Variants in NEGR1 observed in about 807,000 individuals in gnomAD.
NEGR1 encodes the protein IgLON family member 4.
In NEGR1, 10 loss-of-function variants were observed where a neutral mutation model predicts 40.9. That is an observed-to-expected ratio of 0.24 (90% confidence interval 0.15 to 0.42). The LOEUF (loss-of-function observed/expected upper bound fraction) is 0.42. Among genes scored for constraint, NEGR1 ranks in the 10% least tolerant of loss-of-function variants. The pLI is 1.00. For synonymous variants in NEGR1, 185 were observed against 166.8 expected, an observed-to-expected ratio of 1.11 and a Z score of -0.84; for missense variants, 352 against 438.9, an observed-to-expected ratio of 0.80 and a Z score of 1.77.
At chr1:72,216,383 ACAT>A (rs1440433412) in intron 1 of NEGR1, among the ~76,000 whole-genome samples, 4 of 91,376 alleles carry the variant, frequency 4.4e-5, no homozygotes, top group African/African-American at 2.3e-4. Context: ...ATATATATAT[ACAT>A]ATATATATAT....
intron 2 of NEGR1, among the ~76,000 whole-genome samples, chr1:71,925,028 A>C (rs1347993117): frequency 6.6e-6 from 1 of 152,014 alleles, no homozygotes; most frequent in Admixed American, 6.6e-5. Context: ...AAAACAATAA[A>C]ACTCTACTGA....
intron 3 of NEGR1, among the ~76,000 whole-genome samples, chr1:71,698,427 A>G (rs997115582): frequency 2.6e-5 from 4 of 151,848 alleles, no homozygotes; most frequent in African/African-American, 9.7e-5. Context: ...GACTCTGCAC[A>G]TTTCTGTAAT....
rs12073347 is a variant in NEGR1, at chr1:71,584,928, C to G, written c.940+7889G>C. On this transcript the variant is annotated intron_variant, in intron 6 of 6. Transcript: ENST00000357731. Reference sequence around the variant, plus strand: ...ATTAGAGCTGTGTGAAATAAAATAGCAAGCAAGAATGTCTATTCTAGTGCC... The same window carrying G: ...ATTAGAGCTGTGTGAAATAAAATAGGAAGCAAGAATGTCTATTCTAGTGCC... 1.2e-3 allele frequency among the ~76,000 whole-genome samples: 189 copies of G among 152,164 alleles called. 2 individuals carry two copies. Among genetic ancestry groups the G allele is most frequent in the Non-Finnish European group, 3.7e-4 (25 of 68,000 alleles).
intron 1 of NEGR1, among the ~76,000 whole-genome samples, chr1:72,089,946 C>G (rs975463974): frequency 1.3e-5 from 2 of 151,834 alleles, no homozygotes; most frequent in East Asian, 3.9e-4. Flanking sequence ...ATTTTATGAG[C>G]CTTTTAATCA....
intron 4 of NEGR1, among the ~76,000 whole-genome samples, chr1:71,660,988 A>G (rs775488842): frequency 6.6e-6 from 1 of 152,108 alleles, no homozygotes; most frequent in Non-Finnish European, 1.5e-5. Flanking sequence ...GCTGAGAATG[A>G]TGGTTTCCAG....
At chr1:71,761,814 A>T (rs1243301464) in intron 3 of NEGR1, among the ~76,000 whole-genome samples, 5 of 152,124 alleles carry the variant, frequency 3.3e-5, no homozygotes, top group African/African-American at 2.4e-5. Context: ...CTATAAAAAA[A>T]TTTTCTAAAT....
At chr1:71,687,643 T>C (rs1653082514) in intron 4 of NEGR1, among the ~76,000 whole-genome samples, 1 of 152,234 alleles carries the variant, frequency 6.6e-6, no homozygotes, top group Admixed American at 6.5e-5. Context: ...TTCTGCACTT[T>C]ATTTCAGTGT....
chr1:71,688,347 T>TATATATA (rs1653118386), intron 4 of NEGR1, among the ~76,000 whole-genome samples: 1 of 100,720 alleles, frequency 9.9e-6, no homozygotes, highest in African/African-American at 4.0e-5. Context: ...GATAGATAGA[T>TATATATA]AGATAGATTA....
chr1:71,525,798 A>G (rs1292534500), intron 6 of NEGR1, among the ~76,000 whole-genome samples: 2 of 151,684 alleles, frequency 1.3e-5, no homozygotes, highest in Admixed American at 1.3e-4. Context: ...TGTTTTATGT[A>G]TATAAAACAG....
intron 1 of NEGR1, among the ~76,000 whole-genome samples, chr1:72,076,388 T>C (rs1647734465): frequency 6.6e-6 from 1 of 152,190 alleles, no homozygotes; most frequent in Non-Finnish European, 1.5e-5. Flanking sequence ...CACCTTGATC[T>C]TGGGCTTCCC....
At chr1:71,486,821 A>G (rs1042913197) in intron 6 of NEGR1, 2 of 151,592 alleles carry the variant, frequency 1.3e-5, no homozygotes, top group Admixed American at 6.6e-5. Context: ...TAATAATACT[A>G]ATACTGTAAA....
chr1:72,041,897 T>A (rs1370101652), intron 1 of NEGR1, among the ~76,000 whole-genome samples: 1 of 131,210 alleles, frequency 7.6e-6, no homozygotes, highest in African/African-American at 2.9e-5. Context: ...AAATATATAT[T>A]TGAGTTTCAA....
chr1:72,241,106 T>C (rs779345994), intron 1 of NEGR1, among the ~76,000 whole-genome samples: 4 of 151,832 alleles, frequency 2.6e-5, no homozygotes, highest in Non-Finnish European at 5.9e-5. Context: ...GTTGACAAGT[T>C]TGTATTTTAA....
At chr1:72,073,419 T>C (rs1647559097) in intron 1 of NEGR1, among the ~76,000 whole-genome samples, 1 of 152,118 alleles carries the variant, frequency 6.6e-6, no homozygotes. Context: ...CTGTGATTAT[T>C]TCCTCTATTA....
chr1:71,736,674 T>C (rs1055481867), intron 3 of NEGR1, among the ~76,000 whole-genome samples: 2 of 152,176 alleles, frequency 1.3e-5, no homozygotes, highest in Non-Finnish European at 2.9e-5. Context: ...AGAAAAGTGC[T>C]CCTGGATCAG....
chr1:72,247,190 G>C (rs1654930116), intron 1 of NEGR1, among the ~76,000 whole-genome samples: 1 of 152,080 alleles, frequency 6.6e-6, no homozygotes, highest in African/African-American at 2.4e-5. Flanking sequence ...CATTCTCTTT[G>C]GTATTCACAC....
chr1:71,414,351 A>G lies in NEGR1; in HGVS notation c.941-6781T>C, dbSNP rs145910452. 2.2e-3 allele frequency among the ~76,000 whole-genome samples: 329 copies of G among 152,280 alleles called. 1 individual carries two copies. Among genetic ancestry groups the G allele is most frequent in the African/African-American group, 7.6e-3 (314 of 41,564 alleles). ...CCCTTTCCCCATGAGCAGCTGCAGG[A>G]GATATCCGGAGGCTCAGATTACACT... On this transcript the variant is annotated intron_variant, in intron 6 of 6. Coordinates refer to ENST00000357731, the MANE Select transcript of NEGR1 (RefSeq NM_173808.3).
intron 6 of NEGR1, among the ~76,000 whole-genome samples, chr1:71,511,945 G>C (rs1344997918): frequency 6.6e-6 from 1 of 152,084 alleles, no homozygotes; most frequent in Non-Finnish European, 1.5e-5. Context: ...TCATATTATA[G>C]AGCCTATAGT....
rs5775102 is a variant in NEGR1, at chr1:72,040,577, CAAAAAAAAAAAAAAA to C, written c.177-105281_177-105267del. Among the ~76,000 whole-genome samples, 6 of 29,704 alleles carry C rather than the reference CAAAAAAAAAAAAAAA, an allele frequency of 2.0e-4. 1 individual carries two copies. The highest frequency in any genetic ancestry group is 4.0e-3 in the South Asian group (2 of 504). 19.5% of individuals were successfully genotyped at this position (29,704 alleles called of 152,430 possible). ...TGGCAAGCACAGTAAGAGCACTGAC[CAAAAAAAAAAAAAAA>C]AAAAAAAAAAAAAAAAAAATCAGAG... On this transcript the variant is annotated intron_variant, in intron 1 of 6. Coordinates refer to ENST00000357731, the MANE Select transcript of NEGR1 (RefSeq NM_173808.3).
Sources: gnomAD v4.1 joint callset for allele counts (sites outside exome capture counted in the v4.1 genomes callset) on GRCh38, gnomAD v4.1.1 for gene constraint, MANE v1.5 for transcripts, NCBI Gene and HGNC (gene_info 2026-07-23, HGNC 2026-07-21) for gene names.